NUP160: variants seen among roughly 807,000 people sequenced by gnomAD.
NUP160 encodes nucleoporin 160.
NUP160 carries 94 observed loss-of-function variants against 196.9 expected under a neutral mutation model. The ratio of observed to expected loss-of-function variants is 0.48; its 90% CI spans 0.40 to 0.57. The LOEUF is 0.57. Ranked by LOEUF, NUP160 falls within the 20% of genes least tolerant of loss-of-function variation. The pLI, the probability that NUP160 is intolerant of heterozygous loss-of-function variation, is 0.00. For missense variants in NUP160, 1,638 were observed against 1,748.3 expected (o/e 0.94, Z 1.13); for synonymous variants, 605 against 619.7 (o/e 0.98, Z 0.35).
At chr11:47,841,877 C>T (rs1244038774) in intron 2 of NUP160, among the ~76,000 whole-genome samples, 3 of 151,632 alleles carry the variant, frequency 2.0e-5, no homozygotes, top group Admixed American at 6.6e-5. Context: ...TTAGTAGAGA[C>T]GGGGTTTCAC....
rs770487352 is a variant in NUP160 at position 47,780,349 on chromosome 11, G to A, written c.4215C>T (p.Asn1405=). 1.9e-6 allele frequency: 3 copies of A among 1,610,378 alleles called. No individual in the cohort carries two copies. In the South Asian group the frequency reaches 3.3e-5, roughly 18 times the overall value. Residue 1405 remains asparagine (N), a synonymous_variant, in exon 35 of 36, where the codon AAC becomes AAT. Transcript: ENST00000378460. ...CATGAAAGGGCTGACTTACTGCGAT[G>A]TTGTGACTGTTGGCACTGTTCTCTC...
At chr11:47,799,047 T>G (rs181676528) in intron 23 of NUP160, among the ~76,000 whole-genome samples, 1 of 151,650 alleles carries the variant, frequency 6.6e-6, no homozygotes, top group Admixed American at 6.6e-5. Flanking sequence ...ATAAACACCA[T>G]AGTTTTATAA....
At chr11:47,806,543 T>C (rs575015719) in intron 19 of NUP160, 21 of 429,024 alleles carry the variant, frequency 4.9e-5, no homozygotes, top group African/African-American at 2.6e-4. Context: ...AGTCATTTCT[T>C]TTCACTGATC....
chr11:47,802,213 A>G (rs1046815506), intron 22 of NUP160, among the ~76,000 whole-genome samples: 3 of 151,974 alleles, frequency 2.0e-5, no homozygotes, highest in Admixed American at 2.0e-4. Context: ...CGGGTGGATC[A>G]CGAGGTGAGG....
intron 35 of NUP160, among the ~76,000 whole-genome samples, chr11:47,779,730 T>C (rs562154212): frequency 6.6e-6 from 1 of 152,272 alleles, no homozygotes; most frequent in Non-Finnish European, 1.5e-5. Context: ...TGTATTTCTT[T>C]CTTTTTCAGG....
intron 4 of NUP160, among the ~76,000 whole-genome samples, chr11:47,838,505 C>T (rs1025828802): frequency 7.2e-5 from 11 of 151,944 alleles, no homozygotes; most frequent in African/African-American, 1.9e-4. Flanking sequence ...GTCAGGAGTT[C>T]GAGACCAGCC....
At chr11:47,812,767 G>T in intron 15 of NUP160, 115 bp downstream of exon 15, 1 of 775,064 alleles carries the variant, frequency 1.3e-6, no homozygotes, top group Non-Finnish European at 2.0e-6. Flanking sequence ...TGGCGCATCA[G>T]TTTGACTTTA....
At chr11:47,783,327 A>C in intron 33 of NUP160, 129 bp from the exon 34 acceptor site, 20 of 1,188,006 alleles carry the variant, frequency 1.7e-5, no homozygotes, top group Non-Finnish European at 2.2e-5. Flanking sequence ...GGCTTGGTTT[A>C]CTCATCTGTA....
intron 7 of NUP160, among the ~76,000 whole-genome samples, chr11:47,825,577 C>T (rs1470003195): frequency 2.6e-5 from 4 of 151,756 alleles, no homozygotes; most frequent in South Asian, 2.1e-4. Context: ...CTCAGCCTCG[C>T]GAGTAGTTGG....
rs746383674 is a variant in NUP160, at chr11:47,818,097, G to C, written c.1390C>G (p.Pro464Ala). ...AAAGCTTCATTTGTGAATTGTCCTG[G>C]TGTAAAAAGACTTTGCAGATACATC... Residue 464 changes from proline (P) to alanine (A), a missense_variant, in exon 11 of 36, where the codon CCA becomes GCA. By Grantham distance (27) the Pro-to-Ala change is conservative. Coordinates refer to ENST00000378460, the Ensembl canonical transcript of NUP160. 1.9e-6 allele frequency: 3 copies of C among 1,611,576 alleles called. No homozygotes were observed. In the Admixed American group the frequency reaches 5.0e-5, roughly 27 times the overall value.
Position 47,783,063 on chromosome 11 carries a change from A to G in NUP160, c.4116+10T>C. On this transcript the variant is annotated intron_variant, in intron 34 of 35. Coordinates refer to ENST00000378460, the Ensembl canonical transcript of NUP160. ...CCATTGTAAATTGGGGACCATTTGTATATGCCTACCTCAATTCCGAAGTAT... is the reference window on the plus strand; with the variant it reads ...CCATTGTAAATTGGGGACCATTTGTGTATGCCTACCTCAATTCCGAAGTAT... The G allele has an allele frequency of 1.2e-6, 2 of 1,611,346 alleles. No individual in the cohort carries two copies.
intron 2 of NUP160, among the ~76,000 whole-genome samples, chr11:47,844,666 C>T (rs1271481907): frequency 1.3e-5 from 2 of 152,222 alleles, no homozygotes; most frequent in African/African-American, 4.8e-5. Context: ...TTCCTCTTCC[C>T]TCTTATGCTG....
Position 47,822,067 on chromosome 11 carries a change from C to T in NUP160, c.1179+20G>A, listed in dbSNP as rs1851869500. ...CTTTTTCTTGTACTTATGTGATATG[C>T]AAAGGATGAATCAACCTACCTGAGA... On this transcript the variant is annotated intron_variant, in intron 8 of 35. Coordinates refer to ENST00000378460, the Ensembl canonical transcript of NUP160. 3 of 1,523,928 alleles carry T rather than the reference C, an allele frequency of 2.0e-6. No homozygotes were observed. In the South Asian group the frequency reaches 3.4e-5, roughly 17 times the overall value. The allele number at this position is 1,523,928 out of a possible 1,614,324, so 94.4% of individuals were successfully genotyped here.
At chr11:47,827,110 T>C (rs1319644150) in intron 7 of NUP160, 5 of 455,994 alleles carry the variant, frequency 1.1e-5, no homozygotes, top group Admixed American at 4.7e-5. Context: ...TTCACACTTG[T>C]AATCCCAGCA....
chr11:47,831,842 C>CAAAAAAAAAAAAAAAAAAAA (rs372159602), intron 7 of NUP160, among the ~76,000 whole-genome samples: 10 of 66,666 alleles, frequency 1.5e-4, no homozygotes, highest in African/African-American at 6.4e-4. Flanking sequence ...GACTCTCTCT[C>CAAAAAAAAAAAAAAAAAAAA]AAAAAAAAAA....
At chr11:47,807,035 T>G in intron 19 of NUP160, 35 bp downstream of exon 19, 2 of 1,462,216 alleles carry the variant, frequency 1.4e-6, no homozygotes, top group Non-Finnish European at 1.9e-6. Flanking sequence ...AAATCCCCAG[T>G]TTAAAATGAA....
At chr11:47,796,355 G>T in intron 27 of NUP160, 2 of 621,714 alleles carry the variant, frequency 3.2e-6, no homozygotes. Context: ...CCTGACAAAT[G>T]GAATTTATCC....
At chr11:47,848,253 C>T (rs1368389405) in exon 1 of NUP160, 18 of 1,614,210 alleles carry the variant, frequency 1.1e-5, no homozygotes, top group Non-Finnish European at 1.5e-5. Context: ...GAAAGTGCCT[C>T]GGCCTTTCGC....
exon 15 of NUP160, chr11:47,812,939 A>G (rs2097682009): frequency 1.2e-6 from 2 of 1,613,354 alleles, no homozygotes; most frequent in African/African-American, 1.3e-5. Flanking sequence ...CGGAGACTGT[A>G]GGTTATAACA....
Sources: gnomAD v4.1 joint callset for allele counts (sites outside exome capture counted in the v4.1 genomes callset) on GRCh38, gnomAD v4.1.1 for gene constraint, MANE v1.5 for transcripts, NCBI Gene and HGNC (gene_info 2026-07-23, HGNC 2026-07-21) for gene names.